Variants in POU6F2 observed in about 807,000 individuals in gnomAD.
POU6F2 encodes the protein POU class 6 homeobox 2, also known as POU domain, class 6, transcription factor 2.
A neutral mutation model predicts 71.3 loss-of-function variants in POU6F2; 31 were observed. The observed-to-expected ratio is 0.43, with a 90% confidence interval of 0.33 to 0.59. The LOEUF (loss-of-function observed/expected upper bound fraction) is 0.59. Among genes scored for constraint, POU6F2 ranks in the 20% least tolerant of loss-of-function variants. The probability of loss-of-function intolerance (pLI) is 0.04; values close to 1 mark genes in which losing one functional copy is unlikely to be tolerated. For synonymous variants in POU6F2, 347 were observed against 355.7 expected (o/e 0.98, Z 0.27); for missense variants, 783 against 856.8 (o/e 0.91, Z 1.07).
intron 2 of POU6F2, among the ~76,000 whole-genome samples, chr7:39,123,840 A>G (rs1284324809): frequency 1.3e-5 from 2 of 151,776 alleles, no homozygotes; most frequent in Non-Finnish European, 2.9e-5. Context: ...ACAACTTCAC[A>G]TATGTTAAGA....
chr7:39,285,108 A>C (rs1395609023), intron 4 of POU6F2, among the ~76,000 whole-genome samples: 1 of 152,220 alleles, frequency 6.6e-6, no homozygotes, highest in Non-Finnish European at 1.5e-5. Flanking sequence ...GAAAGCGACA[A>C]ATCCTGGATT....
At chr7:39,181,068 A>G (rs1793425350) in intron 2 of POU6F2, among the ~76,000 whole-genome samples, 1 of 152,212 alleles carries the variant, frequency 6.6e-6, no homozygotes, top group South Asian at 2.1e-4. Context: ...GTTTGCAGAA[A>G]GCATCTTCTC....
intron 2 of POU6F2, among the ~76,000 whole-genome samples, chr7:39,151,163 A>G (rs1033390000): frequency 1.3e-5 from 2 of 152,104 alleles, no homozygotes; most frequent in Non-Finnish European, 2.9e-5. Flanking sequence ...GCTATTAAAC[A>G]TGGGTTTTCT....
intron 1 of POU6F2, among the ~76,000 whole-genome samples, chr7:39,005,538 G>A (rs77948362): frequency 0.084 from 10,996 of 131,208 alleles, 549 homozygotes; most frequent in Non-Finnish European, 0.12. Context: ...TTGTGTTTGC[G>A]TGTGTGCGTG....
At chr7:39,100,133 A>T (rs2128723458) in intron 2 of POU6F2, among the ~76,000 whole-genome samples, 1 of 152,344 alleles carries the variant, frequency 6.6e-6, no homozygotes, top group East Asian at 1.9e-4. Context: ...TGGAGTCCTC[A>T]TTCCTTAAGG....
At chr7:39,143,698 G>A (rs965544330) in intron 2 of POU6F2, among the ~76,000 whole-genome samples, 9 of 152,134 alleles carry the variant, frequency 5.9e-5, no homozygotes, top group Admixed American at 5.2e-4. Context: ...ACCAACCTAG[G>A]GCAAGTTTGG....
At chr7:39,271,105 G>A (rs1279507306) in intron 4 of POU6F2, among the ~76,000 whole-genome samples, 7 of 152,074 alleles carry the variant, frequency 4.6e-5, no homozygotes, top group African/African-American at 1.4e-4. Flanking sequence ...CTAGATCCAG[G>A]TCCCCACCTA....
intron 1 of POU6F2, among the ~76,000 whole-genome samples, chr7:39,029,489 TGGG>T (rs1190272672): frequency 8.6e-5 from 12 of 138,906 alleles, no homozygotes; most frequent in South Asian, 5.3e-4. Flanking sequence ...ATAACATTTC[TGGG>T]AGGGGGGGGT....
intron 2 of POU6F2, among the ~76,000 whole-genome samples, chr7:39,151,399 A>G (rs2128734365): frequency 6.6e-6 from 1 of 152,340 alleles, no homozygotes; most frequent in East Asian, 1.9e-4. Flanking sequence ...CTGGGGGCCC[A>G]TTAGCTAGTG....
Position 39,154,761 on chromosome 7 carries a change from C to T in POU6F2, c.278-49474C>T, listed in dbSNP as rs142839617. On this transcript the variant is annotated intron_variant, in intron 2 of 9. Coordinates refer to ENST00000518318, the MANE Select transcript of POU6F2 (RefSeq NM_001370959.1). ...ACAACTGGGGAAGAGAATATCACTA[C>T]TGCAATGAATGTACCGATGACTGCC... 2.8e-3 allele frequency among the ~76,000 whole-genome samples: 428 copies of T among 152,240 alleles called. 1 individual carries two copies. Among genetic ancestry groups the T allele is most frequent in the African/African-American group, 9.8e-3 (407 of 41,528 alleles).
Position 39,464,626 on chromosome 7 carries a change from C to T in POU6F2, c.2103C>T (p.His701=), listed in dbSNP as rs766015633. ...LKNTIKRLKQ[H]EPATAVPLEP... Reference sequence around the variant, plus strand: ...ACACAATTAAACGCTTAAAACAGCACGAGCCGGCCACGGCAGTCCCTTTGG... The same window carrying T: ...ACACAATTAAACGCTTAAAACAGCATGAGCCGGCCACGGCAGTCCCTTTGG... The change falls in exon 10 of 10, where the codon CAC becomes CAT. Residue 701 remains histidine, a synonymous_variant. Transcript: ENST00000518318. The surrounding 1 kb of genome is among the most constrained non-coding windows in gnomAD (Gnocchi z 4.1). 7.5e-6 allele frequency: 12 copies of T among 1,608,118 alleles called. No homozygotes were observed. Among genetic ancestry groups the T allele is most frequent in the Middle Eastern group, 1.7e-4 (1 of 6,056 alleles).
At chr7:39,290,810 T>C (rs1275398293) in intron 4 of POU6F2, among the ~76,000 whole-genome samples, 2 of 152,032 alleles carry the variant, frequency 1.3e-5, no homozygotes, top group African/African-American at 2.4e-5. Flanking sequence ...AAAGCAAAAT[T>C]CCCCAGCTCA....
chr7:39,116,462 C>T, intron 2 of POU6F2, among the ~76,000 whole-genome samples: 1 of 152,082 alleles, frequency 6.6e-6, no homozygotes, highest in East Asian at 1.9e-4. Context: ...TTACAAGGTG[C>T]CAGGTACTTT....
At chr7:38,993,156 T>A (rs1788646132) in intron 1 of POU6F2, among the ~76,000 whole-genome samples, 1 of 152,212 alleles carries the variant, frequency 6.6e-6, no homozygotes, top group Admixed American at 6.5e-5. Flanking sequence ...TTTGATCACT[T>A]GACATTTAAT....
At chr7:39,218,413 G>C (rs758609928) in intron 4 of POU6F2, among the ~76,000 whole-genome samples, 10 of 152,146 alleles carry the variant, frequency 6.6e-5, no homozygotes, top group Non-Finnish European at 1.0e-4. Flanking sequence ...CCACTGTTTA[G>C]AGAATGGAGA....
chr7:39,265,625 C>T (rs1453347741), intron 4 of POU6F2, among the ~76,000 whole-genome samples: 1 of 152,112 alleles, frequency 6.6e-6, no homozygotes, highest in African/African-American at 2.4e-5. Context: ...ATAGTTTTTT[C>T]CCCAACCTGG....
intron 5 of POU6F2, among the ~76,000 whole-genome samples, chr7:39,346,121 A>G (rs1786029069): frequency 6.6e-6 from 1 of 152,232 alleles, no homozygotes; most frequent in Non-Finnish European, 1.5e-5. Context: ...TCAGTTCAAC[A>G]TTACTGGCAT....
chr7:39,295,673 A>G (rs1203597618), intron 4 of POU6F2, among the ~76,000 whole-genome samples: 3 of 152,218 alleles, frequency 2.0e-5, no homozygotes, highest in Non-Finnish European at 4.4e-5. Context: ...GTATTTAGAT[A>G]GAGTAGTCCT....
intron 1 of POU6F2, among the ~76,000 whole-genome samples, chr7:39,060,745 G>T (rs2128715990): frequency 6.6e-6 from 1 of 152,304 alleles, no homozygotes; most frequent in Non-Finnish European, 1.5e-5. Flanking sequence ...GGTTCTCAAA[G>T]TGTTTGATCT....
Sources: allele counts gnomAD v4.1 joint callset (sites outside exome capture counted in the v4.1 genomes callset), GRCh38; gene constraint gnomAD v4.1.1; non-coding constraint Gnocchi (gnomAD v3.1); transcripts MANE v1.5; gene names NCBI Gene and HGNC (gene_info 2026-07-23, HGNC 2026-07-21).